The following ROBO2 variants were observed in gnomAD, a reference collection of about 807,000 sequenced individuals.
ROBO2 encodes the protein roundabout guidance receptor 2.
Under a neutral mutation model 160.8 loss-of-function variants are expected in ROBO2, and 53 were observed. The ratio of observed to expected loss-of-function variants is 0.33; its 90% CI spans 0.26 to 0.41. ROBO2 has a LOEUF of 0.41. Ranked by LOEUF, ROBO2 falls within the 10% of genes least tolerant of loss-of-function variation. ROBO2 has a pLI of 1.00. For missense variants in ROBO2, 1,577 were observed against 1,722.4 expected, an observed-to-expected ratio of 0.92 and a Z score of 1.49; for synonymous variants, 664 against 611.7, an observed-to-expected ratio of 1.09 and a Z score of -1.26.
chr3:76,255,281 T>C (rs1009709066), intron 2 of ROBO2, among the ~76,000 whole-genome samples: 5 of 152,176 alleles, frequency 3.3e-5, no homozygotes, highest in African/African-American at 1.2e-4. Context: ...TGTTTTCTAA[T>C]ATTTTAGGGT....
At chr3:77,422,059 C>T (rs1472406440) in intron 2 of ROBO2, among the ~76,000 whole-genome samples, 1 of 152,126 alleles carries the variant, frequency 6.6e-6, no homozygotes, top group Non-Finnish European at 1.5e-5. Context: ...GCTTTATACT[C>T]TTCTGGCAAT....
chr3:77,146,899 G>A (rs1416002802), intron 2 of ROBO2, among the ~76,000 whole-genome samples: 1 of 152,076 alleles, frequency 6.6e-6, no homozygotes, highest in African/African-American at 2.4e-5. Flanking sequence ...CCCAGGAGGC[G>A]GAGGTTGCGG....
intron 2 of ROBO2, among the ~76,000 whole-genome samples, chr3:76,860,042 GT>G (rs1210754853): frequency 1.3e-5 from 2 of 152,064 alleles, no homozygotes; most frequent in African/African-American, 4.8e-5. Flanking sequence ...GTCATTATTT[GT>G]GTTATAAAAT....
At chr3:76,258,267 A>G (rs2107583565) in intron 2 of ROBO2, among the ~76,000 whole-genome samples, 1 of 151,932 alleles carries the variant, frequency 6.6e-6, no homozygotes, top group East Asian at 1.9e-4. Flanking sequence ...TTGATATTTG[A>G]TGTTCACATT....
chr3:76,367,838 T>C (rs1458557903), intron 2 of ROBO2, among the ~76,000 whole-genome samples: 1 of 151,912 alleles, frequency 6.6e-6, no homozygotes, highest in Non-Finnish European at 1.5e-5. Context: ...TATTAATTCA[T>C]TTCCACAAGT....
intron 2 of ROBO2, among the ~76,000 whole-genome samples, chr3:77,430,534 C>T (rs189708480): frequency 6.6e-6 from 1 of 152,016 alleles, no homozygotes; most frequent in Admixed American, 6.5e-5. Flanking sequence ...GTTTGTTTTC[C>T]CTCAAAATTC....
At chr3:77,296,032 T>C (rs1407464621) in intron 2 of ROBO2, among the ~76,000 whole-genome samples, 1 of 148,324 alleles carries the variant, frequency 6.7e-6, no homozygotes, top group Non-Finnish European at 1.5e-5. Flanking sequence ...AGTAAAGACA[T>C]AAAGTAGAAT....
chr3:77,523,294 A>G (rs1656206367), intron 6 of ROBO2, among the ~76,000 whole-genome samples: 1 of 151,434 alleles, frequency 6.6e-6, no homozygotes, highest in African/African-American at 2.4e-5. Context: ...ACTTTATACT[A>G]GTAGCATACT....
chr3:77,423,653 A>C (rs2077917591), intron 2 of ROBO2, among the ~76,000 whole-genome samples: 1 of 152,158 alleles, frequency 6.6e-6, no homozygotes, highest in Admixed American at 6.6e-5. Flanking sequence ...GGAACACTAT[A>C]TGTGCCCAGC....
chr3:77,212,144 G>A (rs1242221085), intron 2 of ROBO2, among the ~76,000 whole-genome samples: 1 of 152,132 alleles, frequency 6.6e-6, no homozygotes, highest in Non-Finnish European at 1.5e-5. Flanking sequence ...GGATGGCATT[G>A]AATCTGTAAA....
At chr3:76,615,982 A>G (rs2088552301) in intron 2 of ROBO2, among the ~76,000 whole-genome samples, 1 of 152,202 alleles carries the variant, frequency 6.6e-6, no homozygotes, top group African/African-American at 2.4e-5. Context: ...TACATAGTTC[A>G]GACCTTTTTA....
chr3:76,990,756 C>T (rs1397426241), intron 2 of ROBO2, among the ~76,000 whole-genome samples: 2 of 152,122 alleles, frequency 1.3e-5, no homozygotes. Context: ...CTGATGAGAT[C>T]TCAGGAGTTG....
At chr3:76,839,662 AG>A (rs1245090738) in intron 2 of ROBO2, among the ~76,000 whole-genome samples, 1 of 152,204 alleles carries the variant, frequency 6.6e-6, no homozygotes. Flanking sequence ...TTATGGTATC[AG>A]GGTAACACTG....
intron 2 of ROBO2, among the ~76,000 whole-genome samples, chr3:76,216,520 A>T (rs1703542741): frequency 6.6e-6 from 1 of 152,192 alleles, no homozygotes; most frequent in South Asian, 2.1e-4. Flanking sequence ...CTAGTCTCTG[A>T]TAAAACAGAC....
Position 77,497,991 on chromosome 3 carries a change from TA to T in ROBO2, c.806+4617del, listed in dbSNP as rs201591667. 4.6e-5 allele frequency among the ~76,000 whole-genome samples: 7 copies of T among 152,002 alleles called. No individual in the cohort carries two copies. The South Asian group carries it at 1.2e-3, about 27-fold the overall frequency. ...TTCAATTTAATATTAATGAGAATTTTAAAAAAAATCCCTCTCAGAACTTGGG... is the reference window on the plus strand; with the variant it reads ...TTCAATTTAATATTAATGAGAATTTTAAAAAAATCCCTCTCAGAACTTGGG... On this transcript the variant is annotated intron_variant, in intron 5 of 25. Transcript: ENST00000461745.
intron 2 of ROBO2, among the ~76,000 whole-genome samples, chr3:77,250,081 C>G (rs916151981): frequency 6.6e-6 from 1 of 152,066 alleles, no homozygotes; most frequent in Non-Finnish European, 1.5e-5. Flanking sequence ...ATAAAAAATG[C>G]TATAAGATTA....
intron 2 of ROBO2, among the ~76,000 whole-genome samples, chr3:76,603,346 AAAAAAATAT>A (rs1356440426): frequency 8.1e-4 from 46 of 56,918 alleles, no homozygotes; most frequent in African/African-American, 2.8e-3. Flanking sequence ...AAAAAAAAAA[AAAAAAATAT>A]ATATATATAT....
At chr3:77,547,493 C>T (rs1373882618) in intron 7 of ROBO2, among the ~76,000 whole-genome samples, 1 of 152,062 alleles carries the variant, frequency 6.6e-6, no homozygotes, top group African/African-American at 2.4e-5. Flanking sequence ...ATGTAAGTTG[C>T]ATTAGAAGAC....
intron 2 of ROBO2, among the ~76,000 whole-genome samples, chr3:77,175,718 G>A (rs887769666): frequency 6.6e-6 from 1 of 151,952 alleles, no homozygotes; most frequent in Non-Finnish European, 1.5e-5. Flanking sequence ...ATCAAGGCAA[G>A]CAGGGAGAGA....
Sources: gnomAD v4.1 joint callset for allele counts (sites outside exome capture counted in the v4.1 genomes callset) on GRCh38, gnomAD v4.1.1 for gene constraint, MANE v1.5 for transcripts, NCBI Gene and HGNC (gene_info 2026-07-23, HGNC 2026-07-21) for gene names.